FLYWCH1: variants seen among roughly 807,000 people sequenced by gnomAD.
The protein encoded by FLYWCH1 is FLYWCH-type zinc finger-containing protein 1.
In FLYWCH1, 75 loss-of-function variants were observed where a neutral mutation model predicts 66.4. That is an observed-to-expected ratio of 1.13 (90% confidence interval 0.94 to 1.37). The LOEUF (loss-of-function observed/expected upper bound fraction) is 1.37. Among genes scored for constraint, FLYWCH1 ranks in the 40% most tolerant of loss-of-function variants. The pLI, the probability that FLYWCH1 is intolerant of heterozygous loss-of-function variation, is 0.00. For missense variants in FLYWCH1, 1,334 were observed against 1,001.8 expected, an observed-to-expected ratio of 1.33 and a Z score of -4.48; for synonymous variants, 595 against 429.9, an observed-to-expected ratio of 1.38 and a Z score of -4.75.
chr16:2,941,531 G>C (rs1276693527), intron 9 of FLYWCH1, among the ~76,000 whole-genome samples: 1 of 151,780 alleles, frequency 6.6e-6, no homozygotes, highest in African/African-American at 2.4e-5. Context: ...AGTGAAGCAT[G>C]ATTGTACCAC....
rs769362292 is a variant in FLYWCH1, at chr16:2,933,722, C to T, written c.1256C>T (p.Pro419Leu). 1.5e-5 allele frequency: 24 copies of T among 1,611,850 alleles called. No individual in the cohort carries two copies. The highest frequency in any genetic ancestry group is 1.9e-5 in the Non-Finnish European group (22 of 1,179,034). Reference sequence around the variant, plus strand: ...GCCTCTTGAACCTCCCCAGGAGGCCCTGAGTTCCTGAAGACGCCCCTGGGG... The same window carrying T: ...GCCTCTTGAACCTCCCCAGGAGGCCTTGAGTTCCTGAAGACGCCCCTGGGG... ...HQDMDADPGG[P>L]EFLKTPLGGS... Residue 419 changes from proline (P) to leucine (L), a missense_variant, in exon 6 of 10, where the codon CCT (proline) becomes CTT (leucine). By Grantham distance (98) the Pro-to-Leu change is moderately conservative. Coordinates refer to ENST00000253928, the MANE Select transcript of FLYWCH1 (RefSeq NM_001308068.2).
At chr16:2,941,270 G>A (rs2071250582) in intron 9 of FLYWCH1, among the ~76,000 whole-genome samples, 2 of 150,848 alleles carry the variant, frequency 1.3e-5, no homozygotes, top group African/African-American at 2.4e-5. Flanking sequence ...TGGGGCAACA[G>A]AGCATGACCC....
chr16:2,940,497 A>G (rs34779228), intron 9 of FLYWCH1, among the ~76,000 whole-genome samples: 43,870 of 152,168 alleles, frequency 0.29, 6,509 homozygotes, highest in Admixed American at 0.3. Context: ...GTACAGCGGC[A>G]TGATCTCAGC....
At chr16:2,942,469 G>A (rs114073098) in intron 9 of FLYWCH1, among the ~76,000 whole-genome samples, 128 of 152,158 alleles carry the variant, frequency 8.4e-4, no homozygotes, top group African/African-American at 3.0e-3. Context: ...TCTAAGACCA[G>A]TATCACCCTG....
At position 2,937,166 on chromosome 16, in the gene FLYWCH1, T is replaced by C; in HGVS notation, c.1559T>C (p.Val520Ala). 1 of 1,289,880 alleles carries C rather than the reference T, an allele frequency of 7.8e-7. No individual in the cohort carries two copies. 79.9% of individuals were successfully genotyped at this position (1,289,880 alleles called of 1,614,324 possible). ...ACGCCCCTGGGGGGCAGCTTCCTGG[T>C]GTACGAGTCCTTCCTCTACCGGCGG... Reference protein sequence around the residue: ...LKTPLGGSFLVYESFLYRREK... With the variant: ...LKTPLGGSFLAYESFLYRREK... The change falls in exon 7 of 10, where the codon GTG (valine) becomes GCG (alanine). Residue 520 changes from valine (V) to alanine (A), a missense_variant. Coordinates refer to ENST00000253928, the MANE Select transcript of FLYWCH1 (RefSeq NM_001308068.2).
chr16:2,946,703 T>G (rs894181420), intron 9 of FLYWCH1, among the ~76,000 whole-genome samples: 8 of 152,064 alleles, frequency 5.3e-5, no homozygotes, highest in Non-Finnish European at 4.4e-5. Flanking sequence ...CACAGAAGAT[T>G]TGATTTCTGC....
intron 2 of FLYWCH1, among the ~76,000 whole-genome samples, chr16:2,915,946 C>A (rs1462049604): frequency 6.6e-6 from 1 of 152,162 alleles, no homozygotes; most frequent in Admixed American, 6.6e-5. Flanking sequence ...CTGATTTCAT[C>A]ATATTTGGCC....
intron 2 of FLYWCH1, chr16:2,928,790 G>T (rs1375137805): frequency 6.6e-6 from 1 of 152,230 alleles, no homozygotes; most frequent in African/African-American, 2.4e-5. Flanking sequence ...GCCCTGTGCT[G>T]GTTCCCCATT....
rs11552142 is a variant in FLYWCH1 at position 2,948,937 on chromosome 16, G to A, written c.*210G>A. Reference sequence around the variant, plus strand: ...GCGGAGAACAGTGCTCAGAGCTGGCGCTTGCAGACGCAGCTGTCGTGGGGC... The same window carrying A: ...GCGGAGAACAGTGCTCAGAGCTGGCACTTGCAGACGCAGCTGTCGTGGGGC... On this transcript the variant is annotated 3_prime_UTR_variant, in exon 10 of 10. Coordinates refer to ENST00000253928, the MANE Select transcript of FLYWCH1 (RefSeq NM_001308068.2). 0.26 allele frequency: 142,625 copies of A among 558,364 alleles called. 20,339 individuals are homozygous for A. Among genetic ancestry groups the A allele is most frequent in the Admixed American group, 0.31 (9,923 of 32,016 alleles). The allele number at this position is 558,364 out of a possible 1,614,324, so 34.6% of individuals were successfully genotyped here.
intron 1 of FLYWCH1, among the ~76,000 whole-genome samples, chr16:2,913,853 A>T (rs550934383): frequency 9.1e-6 from 1 of 110,264 alleles, no homozygotes; most frequent in Non-Finnish European, 2.0e-5. Flanking sequence ...GTCATCCAGG[A>T]GCTTTAAAAA....
At chr16:2,919,958 G>A (rs531640296) in intron 2 of FLYWCH1, among the ~76,000 whole-genome samples, 1 of 152,054 alleles carries the variant, frequency 6.6e-6, no homozygotes, top group Non-Finnish European at 1.5e-5. Flanking sequence ...GGCCTCTGGT[G>A]GGGGCTTCCT....
In FLYWCH1 at chr16:2,949,403, G is replaced by A. The variant is rs1281599441; in HGVS notation, c.*676G>A. ...GATTCCCACGGCAGGCGTCATTCCC[G>A]AGATGGGAGCCAGTCCAGGGGTCAG... is the stretch of plus-strand genomic sequence containing the variant. On this transcript the variant is annotated 3_prime_UTR_variant, in exon 10 of 10. Coordinates refer to ENST00000253928, the MANE Select transcript of FLYWCH1 (RefSeq NM_001308068.2). 4 of 152,476 alleles carry A rather than the reference G, an allele frequency of 2.6e-5. No individual in the cohort carries two copies. The highest frequency in any genetic ancestry group is 9.7e-5 in the African/African-American group (4 of 41,438). The allele number at this position is 152,476 out of a possible 1,614,324, so 9.4% of individuals were successfully genotyped here.
chr16:2,924,448 C>A (rs562611813), intron 2 of FLYWCH1, among the ~76,000 whole-genome samples: 18 of 152,322 alleles, frequency 1.2e-4, no homozygotes, highest in Non-Finnish European at 2.1e-4. Flanking sequence ...TAGGAGTTCC[C>A]CAGTGAACAG....
At chr16:2,945,083 C>T (rs1027032416) in intron 9 of FLYWCH1, among the ~76,000 whole-genome samples, 17 of 152,078 alleles carry the variant, frequency 1.1e-4, no homozygotes, top group Admixed American at 3.3e-4. Context: ...GGCATGGTGG[C>T]TCACACCTGT....
chr16:2,934,919 CTTTTTTT>C lies in FLYWCH1; in HGVS notation c.1513+952_1513+958del, dbSNP rs59963690. 2.8e-5 allele frequency: 4 copies of C among 144,854 alleles called. No individual in the cohort carries two copies. The South Asian group carries it at 4.3e-4, about 16-fold the overall frequency. The allele number at this position is 144,854 out of a possible 1,614,324, so 9.0% of individuals were successfully genotyped here. ...CTACTCAGTGCACTTCTTGCACAGG[CTTTTTTT>C]TTTTTTTTTTTCTTTGAGACGGAGT... On this transcript the variant is annotated intron_variant, in intron 6 of 9. Coordinates refer to ENST00000253928, the MANE Select transcript of FLYWCH1 (RefSeq NM_001308068.2).
intron 2 of FLYWCH1, among the ~76,000 whole-genome samples, chr16:2,927,646 G>A (rs114638144): frequency 3.4e-3 from 512 of 152,298 alleles, no homozygotes; most frequent in African/African-American, 0.012. Context: ...CAAATTGGTC[G>A]TCTAAAAAAG....
Position 2,912,017 on chromosome 16 carries a change from C to CGG in FLYWCH1, c.-322_-321dup, listed in dbSNP as rs2070001703. The CGG allele has an allele frequency of 3.3e-5, 5 of 152,560 alleles. 1 individual carries two copies. The highest frequency in any genetic ancestry group is 1.2e-4 in the African/African-American group (5 of 41,562). 9.5% of individuals were successfully genotyped at this position (152,560 alleles called of 1,614,324 possible). On this transcript the variant is annotated 5_prime_UTR_variant, in exon 1 of 10. Coordinates refer to ENST00000253928, the MANE Select transcript of FLYWCH1 (RefSeq NM_001308068.2). ...CGGGGCTCGCTCCCGAGGGGCAGGT[C>CGG]GGGGCTGGGAGCTGGTGCCCGGGTC...
Position 2,915,741 on chromosome 16 carries a change from T to C in FLYWCH1, c.-74+1452T>C, listed in dbSNP as rs574260948. 4.0e-5 allele frequency among the ~76,000 whole-genome samples: 6 copies of C among 150,160 alleles called. No homozygotes were observed. The South Asian group carries it at 1.1e-3, about 26-fold the overall frequency. On this transcript the variant is annotated intron_variant, in intron 2 of 9. Transcript: ENST00000253928. Reference sequence around the variant, plus strand: ...GAGCCTGGGAATCGGAGGTTGCAGTTAGCTGAGATCTAGCCACTGCTCCCC... The same window carrying C: ...GAGCCTGGGAATCGGAGGTTGCAGTCAGCTGAGATCTAGCCACTGCTCCCC...
intron 7 of FLYWCH1, 38 bp downstream of exon 7, chr16:2,937,422 TC>T: frequency 6.7e-7 from 1 of 1,489,352 alleles, no homozygotes; most frequent in South Asian, 1.4e-5. Context: ...CTGCCTGGTC[TC>T]CCAGGACCTG....
Sources: allele counts gnomAD v4.1 joint callset (sites outside exome capture counted in the v4.1 genomes callset), GRCh38; gene constraint gnomAD v4.1.1; transcripts MANE v1.5; gene names NCBI Gene and HGNC (gene_info 2026-07-23, HGNC 2026-07-21).